Variants in TDRD12 observed in about 807,000 individuals in gnomAD.
The protein encoded by TDRD12 is tudor domain containing 12, also known as putative ATP-dependent RNA helicase TDRD12.
Under a neutral mutation model 133.5 loss-of-function variants are expected in TDRD12, and 158 were observed. The ratio of observed to expected loss-of-function variants is 1.18; its 90% CI spans 1.04 to 1.35. The LOEUF (loss-of-function observed/expected upper bound fraction) is 1.35, where lower values mean the gene tolerates loss of function less well. Ranked by LOEUF, TDRD12 falls within the 40% of genes most tolerant of loss-of-function variation. The probability of loss-of-function intolerance (pLI) is 0.00; values close to 1 mark genes in which losing one functional copy is unlikely to be tolerated. For missense variants in TDRD12, 1,443 were observed against 1,321.3 expected (o/e 1.09, Z -1.43); for synonymous variants, 460 against 477.9 (o/e 0.96, Z 0.49).
intron 11 of TDRD12, among the ~76,000 whole-genome samples, chr19:32,784,741 C>A (rs772629034): frequency 5.2e-4 from 79 of 152,208 alleles, no homozygotes; most frequent in Non-Finnish European, 5.4e-4. Flanking sequence ...GGAGTTTATC[C>A]ATTTCTTCTA....
chr19:32,738,765 A>G (rs1195399372), intron 2 of TDRD12, 91 bp from the exon 3 acceptor site: 1 of 1,343,518 alleles, frequency 7.4e-7, no homozygotes, highest in Non-Finnish European at 1.0e-6. Context: ...GTGAGCTGAG[A>G]TTGTGCCACT....
At chr19:32,815,813 G>A (rs1410413082) in intron 26 of TDRD12, among the ~76,000 whole-genome samples, 193 bp downstream of exon 26, 1 of 152,164 alleles carries the variant, frequency 6.6e-6, no homozygotes, top group African/African-American at 2.4e-5. Flanking sequence ...GGCCAACATG[G>A]TGAAACCCCG....
downstream of TDRD12, chr19:32,821,332 A>G: frequency 3.4e-6 from 2 of 594,920 alleles, no homozygotes; most frequent in Non-Finnish European, 3.0e-6. Flanking sequence ...ACTTCCATCC[A>G]GTGATGCGCA....
At chr19:32,724,966 G>C (rs1442304376) in intron 1 of TDRD12, among the ~76,000 whole-genome samples, 1 of 152,202 alleles carries the variant, frequency 6.6e-6, no homozygotes, top group African/African-American at 2.4e-5. Flanking sequence ...CTAATGATCA[G>C]TGATGTTGAG....
chr19:32,735,894 C>A (rs574995493), intron 2 of TDRD12, among the ~76,000 whole-genome samples: 1 of 152,206 alleles, frequency 6.6e-6, no homozygotes, highest in South Asian at 2.1e-4. Flanking sequence ...TGCTTGAACC[C>A]GGGAGGTGGA....
At chr19:32,766,611 A>G (rs1353951757) in intron 8 of TDRD12, among the ~76,000 whole-genome samples, 4 of 145,872 alleles carry the variant, frequency 2.7e-5, no homozygotes, top group African/African-American at 7.4e-5. Context: ...TTGTTAGCTT[A>G]TTAGCCATAA....
downstream of TDRD12, among the ~76,000 whole-genome samples, chr19:32,823,598 T>C (rs1464921947): frequency 6.6e-6 from 1 of 152,160 alleles, no homozygotes; most frequent in Non-Finnish European, 1.5e-5. Flanking sequence ...TGAATGTAGC[T>C]GTTAAAATGC....
At chr19:32,746,702 C>G (rs1200060350) in intron 4 of TDRD12, among the ~76,000 whole-genome samples, 621 of 47,564 alleles carry the variant, frequency 0.013, no homozygotes, top group Middle Eastern at 0.021. Context: ...CTGTGTGTGA[C>G]AGAGAGGGGG....
intron 1 of TDRD12, 24 bp downstream of exon 1, chr19:32,720,120 A>G (rs1227650890): frequency 2.6e-6 from 4 of 1,544,128 alleles, no homozygotes; most frequent in Non-Finnish European, 3.5e-6. Flanking sequence ...AGCCAGACCC[A>G]CGCCAGACCC....
At chr19:32,739,913 T>TG (rs1969359367) in intron 3 of TDRD12, among the ~76,000 whole-genome samples, 1 of 139,544 alleles carries the variant, frequency 7.2e-6, no homozygotes, top group Non-Finnish European at 1.5e-5. Context: ...CTGCATCTCC[T>TG]GGGTACTCTC....
chr19:32,727,252 G>A (rs1254396698), intron 1 of TDRD12, among the ~76,000 whole-genome samples: 1 of 151,868 alleles, frequency 6.6e-6, no homozygotes, highest in Non-Finnish European at 1.5e-5. Flanking sequence ...GTACTTATTG[G>A]CCATTTGTAT....
At chr19:32,802,267 T>C (rs1971421171) in intron 19 of TDRD12, among the ~76,000 whole-genome samples, 1 of 149,248 alleles carries the variant, frequency 6.7e-6, no homozygotes, top group African/African-American at 2.4e-5. Context: ...ATCATATATA[T>C]GATCATATAT....
intron 1 of TDRD12, among the ~76,000 whole-genome samples, chr19:32,720,396 A>C (rs1486532135): frequency 4.8e-5 from 1 of 20,784 alleles, no homozygotes; most frequent in Non-Finnish European, 8.8e-5. Flanking sequence ...ATCCTCCCAC[A>C]CCCACTCCCA....
At chr19:32,802,188 G>T in intron 19 of TDRD12, among the ~76,000 whole-genome samples, 1 of 140,906 alleles carries the variant, frequency 7.1e-6, no homozygotes, top group African/African-American at 2.7e-5. Flanking sequence ...ATATATGATA[G>T]TGATATATAT....
At chr19:32,802,519 TG>T in intron 19 of TDRD12, 136 bp from the exon 20 acceptor site, 1 of 1,019,734 alleles carries the variant, frequency 9.8e-7, no homozygotes, top group Non-Finnish European at 1.4e-6. Context: ...GGGAAAAAAA[TG>T]GGGAAGAAGT....
At chr19:32,793,002 A>G (rs1971115870) in intron 13 of TDRD12, among the ~76,000 whole-genome samples, 1 of 152,186 alleles carries the variant, frequency 6.6e-6, no homozygotes, top group Non-Finnish European at 1.5e-5. Flanking sequence ...CGTGGGCAAC[A>G]TGGTGAAATC....
intron 8 of TDRD12, among the ~76,000 whole-genome samples, chr19:32,764,092 G>A (rs377365561): frequency 8.6e-6 from 1 of 116,422 alleles, no homozygotes; most frequent in Non-Finnish European, 1.8e-5. Flanking sequence ...TTTTTTACTT[G>A]TATTGTCCAT....
At chr19:32,773,253 A>G (rs1302958884) in intron 9 of TDRD12, among the ~76,000 whole-genome samples, 3 of 152,164 alleles carry the variant, frequency 2.0e-5, no homozygotes, top group Non-Finnish European at 2.9e-5. Flanking sequence ...GCTGCCTGCC[A>G]TTTGGACATT....
intron 10 of TDRD12, among the ~76,000 whole-genome samples, chr19:32,776,313 C>T (rs765925277): frequency 6.6e-6 from 1 of 152,222 alleles, no homozygotes; most frequent in African/African-American, 2.4e-5. Context: ...CAGCTCCCAT[C>T]TCCCAGTTCC....
Sources: gnomAD v4.1 joint callset for allele counts (sites outside exome capture counted in the v4.1 genomes callset) on GRCh38, gnomAD v4.1.1 for gene constraint, MANE v1.5 for transcripts, NCBI Gene and HGNC (gene_info 2026-07-23, HGNC 2026-07-21) for gene names.